The following TMEM71 variants were observed in gnomAD, a reference collection of about 807,000 sequenced individuals.
The protein encoded by TMEM71 is transmembrane protein 71.
In TMEM71, 44 loss-of-function variants were observed where a neutral mutation model predicts 38.0. The observed-to-expected ratio is 1.16, with a 90% CI of 0.91 to 1.49. TMEM71 has a LOEUF of 1.49. TMEM71 is among the 40% of genes most tolerant of loss of function. The probability of loss-of-function intolerance (pLI) is 0.00; values close to 1 mark genes in which losing one functional copy is unlikely to be tolerated. For synonymous variants in TMEM71, 133 were observed against 122.5 expected, an observed-to-expected ratio of 1.09 and a Z score of -0.56; for missense variants, 367 against 348.6, an observed-to-expected ratio of 1.05 and a Z score of -0.42.
chr8:132,725,945 C>G (rs1827119713), intron 6 of TMEM71, among the ~76,000 whole-genome samples: 1 of 152,158 alleles, frequency 6.6e-6, no homozygotes, highest in African/African-American at 2.4e-5. Context: ...CTGTCTGAAT[C>G]TGAATATTCT....
Position 132,710,939 on chromosome 8 carries a change from A to AT in TMEM71, c.*27dup. On this transcript the variant is annotated 3_prime_UTR_variant, in exon 10 of 10. Transcript: ENST00000677595. ...ATTTCCAGATATTCAGATGGAGGAC[A>AT]TTCATCGAAGGCATTCCTAAATGGT... 1 of 1,606,204 alleles carries AT rather than the reference A, an allele frequency of 6.2e-7. No homozygotes were observed. The highest frequency in any genetic ancestry group is 8.5e-7 in the Non-Finnish European group (1 of 1,174,184).
chr8:132,711,358 C>T (rs1344364071), intron 9 of TMEM71, among the ~76,000 whole-genome samples: 1 of 152,138 alleles, frequency 6.6e-6, no homozygotes, highest in Non-Finnish European at 1.5e-5. Context: ...TCATGATCCT[C>T]AAGAAGATTA....
intron 5 of TMEM71, among the ~76,000 whole-genome samples, chr8:132,736,231 G>T (rs963482893): frequency 2.0e-5 from 3 of 152,158 alleles, no homozygotes; most frequent in Non-Finnish European, 2.9e-5. Context: ...CTACACCTTA[G>T]AAAACATTGC....
At chr8:132,736,995 CTTAA>C (rs1208570106) in intron 5 of TMEM71, among the ~76,000 whole-genome samples, 2 of 152,118 alleles carry the variant, frequency 1.3e-5, no homozygotes, top group East Asian at 1.9e-4. Flanking sequence ...TCAACAACAC[CTTAA>C]TTAAACATTT....
At chr8:132,717,381 A>C (rs908226736) in intron 7 of TMEM71, among the ~76,000 whole-genome samples, 1 of 152,260 alleles carries the variant, frequency 6.6e-6, no homozygotes, top group African/African-American at 2.4e-5. Flanking sequence ...GAATTATTTT[A>C]ACTTAACAAC....
At chr8:132,716,178 C>T (rs981601905) in intron 7 of TMEM71, among the ~76,000 whole-genome samples, 1 of 152,232 alleles carries the variant, frequency 6.6e-6, no homozygotes, top group African/African-American at 2.4e-5. Flanking sequence ...TGCCTGCAGG[C>T]TTGGAAGCGC....
At chr8:132,775,313 G>A in the TMEM71 span, 19 of 341,648 alleles carry the variant, frequency 5.6e-5, no homozygotes, top group Non-Finnish European at 8.5e-5. Context: ...CAACCCTCGT[G>A]AGTCACGTGA....
chr8:132,774,032 T>C, the TMEM71 span, among the ~76,000 whole-genome samples: 1 of 152,258 alleles, frequency 6.6e-6, no homozygotes. Context: ...CAAGCAGTGC[T>C]TTACACTGTG....
chr8:132,712,506 T>C (rs1826287209), intron 9 of TMEM71, among the ~76,000 whole-genome samples: 1 of 152,100 alleles, frequency 6.6e-6, no homozygotes, highest in African/African-American at 2.4e-5. Flanking sequence ...GAAACTGACC[T>C]CCTTGTGCTC....
chr8:132,755,993 T>C (rs1432743582), intron 3 of TMEM71, among the ~76,000 whole-genome samples: 4 of 152,232 alleles, frequency 2.6e-5, no homozygotes, highest in African/African-American at 9.6e-5. Flanking sequence ...TTTCCACATG[T>C]GCCTCTGTTC....
At chr8:132,759,723 T>C (rs1159684610) in intron 1 of TMEM71, among the ~76,000 whole-genome samples, 1 of 152,158 alleles carries the variant, frequency 6.6e-6, no homozygotes, top group East Asian at 1.9e-4. Context: ...TTTTGTAACA[T>C]GAGAACTAGT....
At position 132,758,984 on chromosome 8, in the gene TMEM71, C is replaced by T. The variant is rs1829183463; in HGVS notation, c.-36-69G>A. ...AGAAAAATTATGCCAAAACAGATGG[C>T]ATCTACTAATTGCACTAGTCAGATT... On this transcript the variant is annotated intron_variant, in intron 1 of 9. Coordinates refer to ENST00000677595, the MANE Select transcript of TMEM71 (RefSeq NM_001382403.1). The T allele has an allele frequency of 3.2e-6, 3 of 929,702 alleles. No individual in the cohort carries two copies. The African/African-American group carries it at 5.0e-5, about 15-fold the overall frequency. 57.6% of individuals were successfully genotyped at this position (929,702 alleles called of 1,614,324 possible).
intron 5 of TMEM71, among the ~76,000 whole-genome samples, chr8:132,744,844 G>A (rs960884164): frequency 4.6e-5 from 7 of 152,104 alleles, no homozygotes; most frequent in East Asian, 1.9e-4. Flanking sequence ...ATAGACCCAC[G>A]AAATGGAATA....
intron 5 of TMEM71, among the ~76,000 whole-genome samples, chr8:132,742,795 G>C (rs1194357619): frequency 1.3e-5 from 2 of 152,292 alleles, no homozygotes; most frequent in Middle Eastern, 3.4e-3. Flanking sequence ...GTATTAGTCC[G>C]TTTTCAGGCT....
At chr8:132,754,309 C>T (rs889725962) in intron 3 of TMEM71, among the ~76,000 whole-genome samples, 3 of 152,288 alleles carry the variant, frequency 2.0e-5, no homozygotes, top group East Asian at 3.9e-4. Context: ...TGCCTGATCT[C>T]ATCTAAATAA....
At chr8:132,719,669 T>A (rs1826732879) in intron 7 of TMEM71, among the ~76,000 whole-genome samples, 1 of 152,226 alleles carries the variant, frequency 6.6e-6, no homozygotes, top group South Asian at 2.1e-4. Flanking sequence ...ACAGTTTTAG[T>A]CAATTTTTAA....
At chr8:132,767,731 T>C in the TMEM71 span, among the ~76,000 whole-genome samples, 1 of 152,162 alleles carries the variant, frequency 6.6e-6, no homozygotes, top group East Asian at 1.9e-4. Context: ...CGCCTTGGCC[T>C]CCCAAAGTGC....
At chr8:132,766,228 C>T in the TMEM71 span, among the ~76,000 whole-genome samples, 1 of 152,126 alleles carries the variant, frequency 6.6e-6, no homozygotes, top group Non-Finnish European at 1.5e-5. Context: ...GTCAGAAATA[C>T]ATAATGGCTT....
intron 7 of TMEM71, among the ~76,000 whole-genome samples, chr8:132,720,304 G>A (rs963124646): frequency 2.0e-5 from 3 of 152,156 alleles, no homozygotes; most frequent in Admixed American, 2.0e-4. Context: ...CGCCTCTTAA[G>A]GGAGGAGTAT....
Sources: allele counts gnomAD v4.1 joint callset (sites outside exome capture counted in the v4.1 genomes callset), GRCh38; gene constraint gnomAD v4.1.1; transcripts MANE v1.5; gene names NCBI Gene and HGNC (gene_info 2026-07-23, HGNC 2026-07-21).